Variants in MCTP1 observed in about 807,000 individuals in gnomAD.
MCTP1 encodes the protein multiple C2 and transmembrane domain containing 1.
MCTP1 carries 69 observed loss-of-function variants against 120.6 expected under a neutral mutation model. The ratio of observed to expected loss-of-function variants is 0.57; its 90% CI spans 0.47 to 0.70. The LOEUF (loss-of-function observed/expected upper bound fraction) is 0.70. Ranked by LOEUF, MCTP1 falls within the 30% of genes least tolerant of loss-of-function variation. The pLI, the probability that MCTP1 is intolerant of heterozygous loss-of-function variation, is 0.00. For missense variants in MCTP1, 1,203 were observed against 1,248.8 expected (o/e 0.96, Z 0.55); for synonymous variants, 529 against 493.1 (o/e 1.07, Z -0.96).
At chr5:95,061,501 T>C (rs1582093843) in intron 1 of MCTP1, among the ~76,000 whole-genome samples, 2 of 130,000 alleles carry the variant, frequency 1.5e-5, no homozygotes, top group South Asian at 5.5e-4. Context: ...AGTGGCGGGA[T>C]CTCGGCTCAC....
At chr5:95,263,686 G>A (rs1341715723) in intron 1 of MCTP1, among the ~76,000 whole-genome samples, 3 of 152,190 alleles carry the variant, frequency 2.0e-5, no homozygotes, top group Non-Finnish European at 4.4e-5. Context: ...AGAAGTGATG[G>A]AGTGGAGGAG....
intron 1 of MCTP1, among the ~76,000 whole-genome samples, chr5:95,219,381 CA>C (rs11414984): frequency 4.8e-3 from 410 of 85,934 alleles, no homozygotes; most frequent in African/African-American, 7.8e-3. Context: ...GACTCCATCT[CA>C]AAAAAAAAAA....
At chr5:95,065,232 T>C (rs4869230) in intron 1 of MCTP1, among the ~76,000 whole-genome samples, 121,273 of 151,836 alleles carry the variant, frequency 0.8, 50,513 homozygotes, top group Non-Finnish European at 0.93. Context: ...TACAAATTAT[T>C]ATGTAGCATA....
chr5:94,959,138 T>C (rs1035193725), intron 2 of MCTP1, among the ~76,000 whole-genome samples: 7 of 152,028 alleles, frequency 4.6e-5, no homozygotes, highest in African/African-American at 1.7e-4. Flanking sequence ...ATAAATGTAA[T>C]CCATCACATA....
chr5:94,817,462 G>A (rs1784716527), intron 17 of MCTP1, among the ~76,000 whole-genome samples: 1 of 151,536 alleles, frequency 6.6e-6, no homozygotes, highest in South Asian at 2.1e-4. Flanking sequence ...TTACTATGCA[G>A]AAGGAGTTGA....
At chr5:95,170,267 T>C (rs934279780) in intron 1 of MCTP1, among the ~76,000 whole-genome samples, 4 of 152,220 alleles carry the variant, frequency 2.6e-5, no homozygotes, top group Admixed American at 1.3e-4. Context: ...TGCACTGTGG[T>C]CTGAGAGACA....
At chr5:95,141,229 G>A (rs1447081286) in intron 1 of MCTP1, among the ~76,000 whole-genome samples, 1 of 152,118 alleles carries the variant, frequency 6.6e-6, no homozygotes, top group Non-Finnish European at 1.5e-5. Flanking sequence ...TATAAATTTG[G>A]AATCTCTTAT....
intron 1 of MCTP1, among the ~76,000 whole-genome samples, chr5:95,023,734 TA>T (rs1469574101): frequency 1.3e-5 from 2 of 152,202 alleles, no homozygotes; most frequent in African/African-American, 2.4e-5. Flanking sequence ...AAAGTATCTT[TA>T]AAAAAGTGTT....
chr5:94,738,879 G>T (rs1764879306), intron 19 of MCTP1, among the ~76,000 whole-genome samples: 1 of 152,210 alleles, frequency 6.6e-6, no homozygotes, highest in African/African-American at 2.4e-5. Context: ...CACCAATACA[G>T]CATTTCATTA....
At chr5:94,759,757 AC>A (rs1446234221) in intron 19 of MCTP1, among the ~76,000 whole-genome samples, 1 of 152,260 alleles carries the variant, frequency 6.6e-6, no homozygotes, top group East Asian at 1.9e-4. Context: ...AATGCCATTA[AC>A]TATCAATGAA....
chr5:94,716,242 A>G (rs137861001), intron 19 of MCTP1, among the ~76,000 whole-genome samples: 38 of 152,310 alleles, frequency 2.5e-4, no homozygotes, highest in African/African-American at 8.2e-4. Flanking sequence ...TTATGCCAAA[A>G]TGGATTGTCA....
chr5:95,055,553 C>T (rs1005838766), intron 1 of MCTP1, among the ~76,000 whole-genome samples: 2 of 152,162 alleles, frequency 1.3e-5, no homozygotes, highest in Non-Finnish European at 2.9e-5. Context: ...CATGTCCAAG[C>T]CCACGTAATT....
chr5:95,199,686 C>A (rs148282609), intron 1 of MCTP1, among the ~76,000 whole-genome samples: 1 of 151,728 alleles, frequency 6.6e-6, no homozygotes, highest in African/African-American at 2.4e-5. Flanking sequence ...GGTGAAATCC[C>A]GTCTCTATTA....
chr5:95,181,552 C>A (rs561178718), intron 1 of MCTP1, among the ~76,000 whole-genome samples: 2 of 152,240 alleles, frequency 1.3e-5, no homozygotes, highest in African/African-American at 4.8e-5. Flanking sequence ...TAAAAATTAT[C>A]ATACCTCTTG....
At chr5:94,807,527 G>A (rs963486054) in intron 17 of MCTP1, among the ~76,000 whole-genome samples, 1 of 152,188 alleles carries the variant, frequency 6.6e-6, no homozygotes, top group African/African-American at 2.4e-5. Context: ...GCCAATGAAA[G>A]CACTGTTTGT....
intron 1 of MCTP1, among the ~76,000 whole-genome samples, chr5:95,072,944 A>C (rs1306141456): frequency 6.6e-6 from 1 of 151,698 alleles, no homozygotes; most frequent in Non-Finnish European, 1.5e-5. Context: ...ATGAGGTTTC[A>C]CCGTGTTAGC....
Position 95,284,475 on chromosome 5 carries a change from C to T in MCTP1, c.101G>A (p.Arg34Lys), listed in dbSNP as rs938158275. 2.0e-6 allele frequency: 3 copies of T among 1,514,828 alleles called. No homozygotes were observed. The highest frequency in any genetic ancestry group is 2.6e-6 in the Non-Finnish European group (3 of 1,138,926). 93.8% of individuals were successfully genotyped at this position (1,514,828 alleles called of 1,614,324 possible). Residue 34 changes from arginine to lysine, a missense_variant, in exon 1 of 23, where the codon AGG becomes AAG. Coordinates refer to ENST00000515393, the MANE Select transcript of MCTP1 (RefSeq NM_024717.7). This position sits in a 1 kb window ranked among gnomAD's most constrained non-coding sequence, Gnocchi z 5.2. ...GCGCCCGCCCCCGCCGCCCTTGCTCCTGCCCACCCCCAGCTGCAGGTTCTT... is the reference window on the plus strand; with the variant it reads ...GCGCCCGCCCCCGCCGCCCTTGCTCTTGCCCACCCCCAGCTGCAGGTTCTT... The part of the protein sequence containing the change: ...LWKNLQLGVG[R>K]SKGGGGGRAG...
chr5:95,260,552 G>A lies in MCTP1; in HGVS notation c.720+23304C>T, dbSNP rs139603854. ...GGCTATTGATTCCTGGTCTGATGGT[G>A]AATCCTCCATAGTCTGGTGAGTGTA... On this transcript the variant is annotated intron_variant, in intron 1 of 22. Transcript: ENST00000515393. Among the ~76,000 whole-genome samples the A allele has an allele frequency of 3.8e-3, 578 of 151,984 alleles. 5 individuals carry two copies. Among genetic ancestry groups the A allele is most frequent in the African/African-American group, 0.012 (502 of 41,310 alleles).
chr5:95,124,378 A>G (rs1758466505), intron 1 of MCTP1, among the ~76,000 whole-genome samples: 1 of 152,256 alleles, frequency 6.6e-6, no homozygotes, highest in African/African-American at 2.4e-5. Context: ...TAAAATGGAA[A>G]AAGGCACTTT....
Sources: allele counts gnomAD v4.1 joint callset (sites outside exome capture counted in the v4.1 genomes callset), GRCh38; gene constraint gnomAD v4.1.1; non-coding constraint Gnocchi (gnomAD v3.1); transcripts MANE v1.5; gene names NCBI Gene and HGNC (gene_info 2026-07-23, HGNC 2026-07-21).